The following PPP3R1 variants were observed in gnomAD, a reference collection of about 807,000 sequenced individuals.
PPP3R1 encodes protein phosphatase 3 regulatory subunit B, alpha.
In PPP3R1, 5 loss-of-function variants were observed where a neutral mutation model predicts 22.6. The observed-to-expected ratio is 0.22, with a 90% confidence interval of 0.12 to 0.46. The LOEUF is 0.46. Ranked by LOEUF, PPP3R1 falls within the 20% of genes least tolerant of loss-of-function variation. PPP3R1 has a pLI of 0.99. For missense variants in PPP3R1, 61 were observed against 203.2 expected (o/e 0.30, Z 4.25); for synonymous variants, 56 against 65.2 (o/e 0.86, Z 0.68).
intron 1 of PPP3R1, among the ~76,000 whole-genome samples, chr2:68,237,438 A>C (rs1351069632): frequency 1.3e-5 from 2 of 152,144 alleles, no homozygotes; most frequent in African/African-American, 4.8e-5. Flanking sequence ...ATCTTGCTCT[A>C]CCATATCATG....
intron 1 of PPP3R1, among the ~76,000 whole-genome samples, chr2:68,234,217 C>T (rs1341184414): frequency 6.6e-6 from 1 of 152,090 alleles, no homozygotes; most frequent in Non-Finnish European, 1.5e-5. Flanking sequence ...GTGGTAGACA[C>T]CTGTAGTCCC....
chr2:68,241,843 CA>C (rs35587118), intron 1 of PPP3R1, among the ~76,000 whole-genome samples: 29,850 of 92,584 alleles, frequency 0.32, 3,013 homozygotes, highest in African/African-American at 0.37. Context: ...GACTCCATCT[CA>C]AAAAAAAAAA....
At chr2:68,197,630 C>A (rs1272320487) in intron 2 of PPP3R1, among the ~76,000 whole-genome samples, 1 of 151,740 alleles carries the variant, frequency 6.6e-6, no homozygotes, top group Non-Finnish European at 1.5e-5. Context: ...AGTGGTATTG[C>A]CTATTTTTTC....
rs557790149 is a variant in PPP3R1 at position 68,183,172 on chromosome 2, T to C, written c.466-2162A>G. 2.2e-4 allele frequency among the ~76,000 whole-genome samples: 34 copies of C among 152,356 alleles called. 1 individual carries two copies. In the South Asian group the frequency reaches 5.4e-3, roughly 24 times the overall value. ...TGAGAAGGCCTTACATACCTAAAAG[T>C]GTCTTTCTACTACCATTTGAGTGTA... On this transcript the variant is annotated intron_variant, in intron 5 of 5. Transcript: ENST00000234310.
chr2:68,198,422 T>C (rs1674876477), intron 2 of PPP3R1, among the ~76,000 whole-genome samples: 1 of 147,224 alleles, frequency 6.8e-6, no homozygotes, highest in Admixed American at 6.8e-5. Context: ...TATGCATATA[T>C]ACGTATATAT....
At position 68,223,626 on chromosome 2, in the gene PPP3R1, A is replaced by C. The variant is rs1225422321; in HGVS notation, c.4-6495T>G. Among the ~76,000 whole-genome samples, 4 of 152,308 alleles carry C rather than the reference A, an allele frequency of 2.6e-5. No individual in the cohort carries two copies. In the South Asian group the frequency reaches 8.3e-4, roughly 32 times the overall value. On this transcript the variant is annotated intron_variant, in intron 1 of 5. Coordinates refer to ENST00000234310, the MANE Select transcript of PPP3R1 (RefSeq NM_000945.4). ...TGGCCAACCAAACAGACGCAATAAA[A>C]GCATCTGACAAATTGCAACATCCAT...
intron 2 of PPP3R1, among the ~76,000 whole-genome samples, chr2:68,193,736 C>T (rs867088437): frequency 6.6e-6 from 1 of 152,062 alleles, no homozygotes; most frequent in African/African-American, 2.4e-5. Flanking sequence ...CTTGAAATAT[C>T]GGCATTAGCA....
Position 68,219,593 on chromosome 2 carries a change from T to C in PPP3R1, c.4-2462A>G, listed in dbSNP as rs1035187841. ...AAATACACATCAGTTTGTAAATTATTATATCAGACTTAACTGGAAAAAATA... is the reference window on the plus strand; with the variant it reads ...AAATACACATCAGTTTGTAAATTATCATATCAGACTTAACTGGAAAAAATA... On this transcript the variant is annotated intron_variant, in intron 1 of 5. Coordinates refer to ENST00000234310, the MANE Select transcript of PPP3R1 (RefSeq NM_000945.4). 2.6e-5 allele frequency among the ~76,000 whole-genome samples: 4 copies of C among 152,202 alleles called. No homozygotes were observed. The South Asian group carries it at 6.2e-4, about 24-fold the overall frequency.
At chr2:68,231,905 A>C (rs1260818615) in intron 1 of PPP3R1, among the ~76,000 whole-genome samples, 1 of 151,764 alleles carries the variant, frequency 6.6e-6, no homozygotes, top group East Asian at 1.9e-4. Context: ...GCTCCCTAGA[A>C]AGTGTCCTGG....
chr2:68,196,820 G>A (rs2103735625), intron 2 of PPP3R1, among the ~76,000 whole-genome samples: 1 of 152,206 alleles, frequency 6.6e-6, no homozygotes, highest in Non-Finnish European at 1.5e-5. Flanking sequence ...TGCCTCCTGG[G>A]TTCAAGCAAT....
chr2:68,194,933 T>C (rs146259545), intron 2 of PPP3R1, among the ~76,000 whole-genome samples: 4 of 152,142 alleles, frequency 2.6e-5, no homozygotes, highest in Non-Finnish European at 2.9e-5. Context: ...AAAGCAAGTA[T>C]CTCTAAATTC....
At chr2:68,201,228 A>G (rs1674968915) in intron 2 of PPP3R1, among the ~76,000 whole-genome samples, 1 of 152,064 alleles carries the variant, frequency 6.6e-6, no homozygotes, top group South Asian at 2.1e-4. Context: ...TTAGCTTTGT[A>G]CCACACTCCA....
intron 1 of PPP3R1, among the ~76,000 whole-genome samples, chr2:68,238,234 C>T (rs1210288362): frequency 8.5e-5 from 13 of 152,152 alleles, no homozygotes. Flanking sequence ...AATGCATCCA[C>T]TGCCCTCGAG....
intron 1 of PPP3R1, among the ~76,000 whole-genome samples, chr2:68,228,286 G>A (rs1408374876): frequency 6.6e-6 from 1 of 151,082 alleles, no homozygotes; most frequent in East Asian, 1.9e-4. Context: ...AACTCTATTT[G>A]TTAATGTTTT....
At chr2:68,250,364 C>T (rs1257949109) in intron 1 of PPP3R1, among the ~76,000 whole-genome samples, 3 of 152,122 alleles carry the variant, frequency 2.0e-5, no homozygotes, top group Non-Finnish European at 4.4e-5. Flanking sequence ...AAACAGAGGA[C>T]GGGGTGCACC....
At position 68,216,296 on chromosome 2, in the gene PPP3R1, T is replaced by C. The variant is rs146380327; in HGVS notation, c.43+796A>G. On this transcript the variant is annotated intron_variant, in intron 2 of 5. Coordinates refer to ENST00000234310, the MANE Select transcript of PPP3R1 (RefSeq NM_000945.4). ...TTAAGCTTCTATCAAAGATATACAT[T>C]AAAGACCTTTTTCAAACTTAAAAAT... Among the ~76,000 whole-genome samples, 801 of 152,208 alleles carry C rather than the reference T, an allele frequency of 5.3e-3. 6 individuals carry two copies. The highest frequency in any genetic ancestry group is 0.018 in the African/African-American group (768 of 41,532).
At chr2:68,229,973 T>TACACACACACACAC (rs201152385) in intron 1 of PPP3R1, among the ~76,000 whole-genome samples, 4,171 of 143,138 alleles carry the variant, frequency 0.029, 71 homozygotes, top group Non-Finnish European at 0.036. Context: ...TATACACACA[T>TACACACACACACAC]ACACACACAC....
chr2:68,198,982 A>G (rs1222447035), intron 2 of PPP3R1, among the ~76,000 whole-genome samples: 1 of 151,836 alleles, frequency 6.6e-6, no homozygotes, highest in African/African-American at 2.4e-5. Context: ...TTATTTTTTT[A>G]AGATGGAGTT....
chr2:68,218,447 A>C (rs1015256369), intron 1 of PPP3R1, among the ~76,000 whole-genome samples: 1 of 152,160 alleles, frequency 6.6e-6, no homozygotes, highest in African/African-American at 2.4e-5. Context: ...GTCACTTTAA[A>C]TATCAAATAT....
Sources: gnomAD v4.1 joint callset for allele counts (sites outside exome capture counted in the v4.1 genomes callset) on GRCh38, gnomAD v4.1.1 for gene constraint, MANE v1.5 for transcripts, NCBI Gene and HGNC (gene_info 2026-07-23, HGNC 2026-07-21) for gene names.